The following MYT1L variants were observed in gnomAD, a reference collection of about 807,000 sequenced individuals.
MYT1L encodes the protein myelin transcription factor 1 like.
MYT1L carries 12 observed loss-of-function variants against 126.7 expected under a neutral mutation model. That is an observed-to-expected ratio of 0.09 (90% CI 0.06 to 0.15). MYT1L has a LOEUF of 0.15. Among genes scored for constraint, MYT1L ranks in the 10% least tolerant of loss-of-function variants. MYT1L has a pLI of 1.00. For synonymous variants in MYT1L, 541 were observed against 604.2 expected (o/e 0.90, Z 1.53); for missense variants, 979 against 1,585.2 (o/e 0.62, Z 6.49).
Position 1,934,291 on chromosome 2 carries a change from C to CACACATATATATATATATATATATAT in MYT1L, c.505+8690_505+8691insATATATATATATATATATATATGTGT, listed in dbSNP as rs1553335117. Among the ~76,000 whole-genome samples, 7 of 123,558 alleles carry CACACATATATATATATATATATATAT rather than the reference C, an allele frequency of 5.7e-5. No individual in the cohort carries two copies. The South Asian group carries it at 1.8e-3, about 32-fold the overall frequency. 81.1% of individuals were successfully genotyped at this position (123,558 alleles called of 152,430 possible). On this transcript the variant is annotated intron_variant, in intron 9 of 24. Coordinates refer to ENST00000647738, the MANE Select transcript of MYT1L (RefSeq NM_001303052.2). ...CCCCGCCTGATTTTGATTTTTATAA[C>CACACATATATATATATATATATATAT]ATATATATATATATATACAACCTCA...
rs115942613 is a variant in MYT1L, at chr2:2,295,964, G to A, written c.-520-11461C>T. ...GAGGAGAGAGAGGTAGAGAAAGAGA[G>A]AGAAGAATAAAGCCAGAGAGAGAGA... On this transcript the variant is annotated intron_variant, in intron 1 of 24. Transcript: ENST00000647738. Among the ~76,000 whole-genome samples the A allele has an allele frequency of 6.1e-3, 934 of 152,026 alleles. 11 individuals carry two copies. Among genetic ancestry groups the A allele is most frequent in the African/African-American group, 0.021 (887 of 41,450 alleles).
intron 8 of MYT1L, among the ~76,000 whole-genome samples, chr2:1,954,733 C>A (rs116535542): frequency 0.016 from 2,452 of 152,112 alleles, 17 homozygotes; most frequent in Middle Eastern, 0.024. Flanking sequence ...ATAGTAATTA[C>A]AATTGATTTG....
At chr2:2,113,055 G>A (rs1273113286) in intron 3 of MYT1L, among the ~76,000 whole-genome samples, 1 of 152,184 alleles carries the variant, frequency 6.6e-6, no homozygotes, top group East Asian at 1.9e-4. Context: ...GGGTGCTGAT[G>A]ACCACGGGGG....
intron 11 of MYT1L, among the ~76,000 whole-genome samples, chr2:1,916,689 A>C (rs2052891313): frequency 6.6e-6 from 1 of 152,230 alleles, no homozygotes; most frequent in African/African-American, 2.4e-5. Context: ...TATAGTGTTG[A>C]AATGTCGAGA....
intron 10 of MYT1L, among the ~76,000 whole-genome samples, chr2:1,918,694 T>G (rs2053179815): frequency 6.6e-6 from 1 of 152,222 alleles, no homozygotes; most frequent in East Asian, 1.9e-4. Context: ...GTGCCTCTCC[T>G]GTACTGGAAA....
intron 14 of MYT1L, among the ~76,000 whole-genome samples, chr2:1,894,727 C>T (rs943585405): frequency 1.1e-4 from 16 of 152,186 alleles, no homozygotes; most frequent in African/African-American, 3.9e-4. Flanking sequence ...CATAGGTCGG[C>T]TGGCAACCTT....
At chr2:2,262,241 A>C (rs925184001) in intron 2 of MYT1L, among the ~76,000 whole-genome samples, 1 of 152,192 alleles carries the variant, frequency 6.6e-6, no homozygotes, top group Non-Finnish European at 1.5e-5. Context: ...TCTATTTCTT[A>C]AGTTCTCTTT....
intron 9 of MYT1L, among the ~76,000 whole-genome samples, chr2:1,928,115 G>A (rs2054475997): frequency 6.6e-6 from 1 of 152,212 alleles, no homozygotes; most frequent in Non-Finnish European, 1.5e-5. Flanking sequence ...ACCACGCCTG[G>A]CTAAATTTTG....
At chr2:2,267,639 G>C (rs767781785) in intron 2 of MYT1L, among the ~76,000 whole-genome samples, 50 of 152,248 alleles carry the variant, frequency 3.3e-4, no homozygotes, top group Admixed American at 6.5e-4. Flanking sequence ...CCGCTTGGTG[G>C]GCTGAAGTGG....
At chr2:2,293,623 G>A (rs1035409333) in intron 1 of MYT1L, among the ~76,000 whole-genome samples, 3 of 152,148 alleles carry the variant, frequency 2.0e-5, no homozygotes, top group Non-Finnish European at 4.4e-5. Context: ...AGTAGTAACT[G>A]GTATAAGATG....
intron 4 of MYT1L, among the ~76,000 whole-genome samples, chr2:2,034,223 G>A (rs900221649): frequency 1.3e-5 from 2 of 152,180 alleles, no homozygotes; most frequent in South Asian, 2.1e-4. Flanking sequence ...ATGTCCAGCC[G>A]ACTCGGCATC....
intron 18 of MYT1L, among the ~76,000 whole-genome samples, chr2:1,858,647 A>G (rs2044207241): frequency 6.6e-6 from 1 of 152,214 alleles, no homozygotes; most frequent in Non-Finnish European, 1.5e-5. Flanking sequence ...ACTATCCTGT[A>G]TCACTTCTGG....
At chr2:2,122,872 T>TGAGAGAGAGA (rs57060194) in intron 3 of MYT1L, among the ~76,000 whole-genome samples, 11 of 133,070 alleles carry the variant, frequency 8.3e-5, no homozygotes, top group African/African-American at 2.7e-4. Flanking sequence ...TGTGTGTGTG[T>TGAGAGAGAGA]GAGAGAGAGA....
chr2:2,112,993 G>T (rs1286275825), intron 3 of MYT1L, among the ~76,000 whole-genome samples: 2 of 152,176 alleles, frequency 1.3e-5, no homozygotes, highest in Admixed American at 6.5e-5. Context: ...TTGGAAGGCA[G>T]CAAGTGCTCA....
intron 1 of MYT1L, among the ~76,000 whole-genome samples, chr2:2,296,366 A>T (rs1000561419): frequency 2.0e-5 from 3 of 151,616 alleles, no homozygotes; most frequent in Non-Finnish European, 2.9e-5. Context: ...TAGATCATTT[A>T]TTTTTTTTTA....
intron 9 of MYT1L, among the ~76,000 whole-genome samples, chr2:1,934,265 C>A (rs1179939533): frequency 7.2e-6 from 1 of 139,216 alleles, no homozygotes; most frequent in South Asian, 2.3e-4. Context: ...GGGCCACAGC[C>A]CCCCGCCTGA....
At chr2:1,820,120 C>A (rs2038313088) in intron 21 of MYT1L, among the ~76,000 whole-genome samples, 1 of 152,162 alleles carries the variant, frequency 6.6e-6, no homozygotes. Flanking sequence ...CAGAAGAGAG[C>A]ACCCACTCAA....
In MYT1L at chr2:1,912,062, G is replaced by A. The variant is rs1303130899; in HGVS notation, c.1667C>T (p.Thr556Met). 4.4e-6 allele frequency: 7 copies of A among 1,597,374 alleles called. No homozygotes were observed. The highest frequency in any genetic ancestry group is 1.3e-5 in the African/African-American group (1 of 74,802). The change falls in exon 12 of 25, where the codon ACG becomes ATG. Residue 556 changes from threonine to methionine, a missense_variant. This residue lies in a region of MYT1L where 82 missense variants were observed against 177.2 expected (regional missense o/e 0.46). Transcript: ENST00000647738. The surrounding 1 kb of genome is among the most constrained non-coding windows in gnomAD (Gnocchi z 4.3). ...GTTGCTGTTGACATGCCCGCGCCCC[G>A]TGCAGCCCGGAGTGGGGCACTTGAG... ...SVLKCPTPGC[T>M]GRGHVNSNRN...
intron 3 of MYT1L, among the ~76,000 whole-genome samples, chr2:2,113,304 A>C (rs545291283): frequency 6.6e-6 from 1 of 152,242 alleles, no homozygotes; most frequent in African/African-American, 2.4e-5. Context: ...TGGGGGAAAA[A>C]CCTGCCCACT....
Sources: allele counts gnomAD v4.1 joint callset (sites outside exome capture counted in the v4.1 genomes callset), GRCh38; gene constraint gnomAD v4.1.1; regional missense constraint gnomAD v4.1.1; non-coding constraint Gnocchi (gnomAD v3.1); transcripts MANE v1.5; gene names NCBI Gene and HGNC (gene_info 2026-07-23, HGNC 2026-07-21).